GATM: variants seen among roughly 807,000 people sequenced by gnomAD.
GATM encodes the protein glycine amidinotransferase, mitochondrial.
In GATM, 23 loss-of-function variants were observed where a neutral mutation model predicts 54.2. The observed-to-expected ratio is 0.42, with a 90% confidence interval of 0.31 to 0.60. GATM has a LOEUF of 0.60. Among genes scored for constraint, GATM ranks in the 20% least tolerant of loss-of-function variants. GATM has a pLI of 0.14. For missense variants in GATM, 401 were observed against 544.9 expected (o/e 0.74, Z 2.63); for synonymous variants, 168 against 183.1 (o/e 0.92, Z 0.67).
At chr15:45,363,009 A>G (rs191572888) in intron 8 of GATM, among the ~76,000 whole-genome samples, 2 of 152,276 alleles carry the variant, frequency 1.3e-5, no homozygotes, top group Admixed American at 1.3e-4. Context: ...CTAGTCGCGC[A>G]TGGTAGCTCA....
chr15:45,398,824 C>G (rs1196087354), intron 2 of GATM, among the ~76,000 whole-genome samples: 1 of 152,102 alleles, frequency 6.6e-6, no homozygotes, highest in African/African-American at 2.4e-5. Flanking sequence ...CTACAGATGA[C>G]TCATGCTACT....
chr15:45,388,461 C>T (rs1889831826), intron 3 of GATM, among the ~76,000 whole-genome samples: 1 of 152,114 alleles, frequency 6.6e-6, no homozygotes, highest in South Asian at 2.1e-4. Context: ...CCAGTTTTTC[C>T]ACTAACATTC....
intron 4 of GATM, among the ~76,000 whole-genome samples, chr15:45,367,735 C>T (rs1889472388): frequency 6.6e-6 from 1 of 152,132 alleles, no homozygotes; most frequent in African/African-American, 2.4e-5. Context: ...AACAGTGGTA[C>T]ACCTGTAGGC....
intron 6 of GATM, among the ~76,000 whole-genome samples, chr15:45,365,285 C>T (rs531746799): frequency 6.6e-6 from 1 of 152,194 alleles, no homozygotes; most frequent in Non-Finnish European, 1.5e-5. Context: ...GGTATAAAGA[C>T]AGTTGTTAGC....
At chr15:45,365,973 C>T (rs984272928) in intron 6 of GATM, 73 bp downstream of exon 6, 25 of 1,414,076 alleles carry the variant, frequency 1.8e-5, no homozygotes, top group Non-Finnish European at 2.5e-5. Context: ...CATGGAAGTG[C>T]TTAAAATAAA....
chr15:45,379,914 G>C (rs1889712827), upstream of GATM: 1 of 151,978 alleles, frequency 6.6e-6, no homozygotes, highest in African/African-American at 2.4e-5. Flanking sequence ...GAGGTCAGGA[G>C]ATCAAGACCA....
intron 3 of GATM, among the ~76,000 whole-genome samples, chr15:45,388,907 C>G (rs1267602210): frequency 6.6e-6 from 1 of 152,164 alleles, no homozygotes; most frequent in Non-Finnish European, 1.5e-5. Flanking sequence ...GGTTTACATA[C>G]ATATATTGCT....
chr15:45,392,586 T>C (rs1304786659), intron 3 of GATM, among the ~76,000 whole-genome samples: 1 of 152,200 alleles, frequency 6.6e-6, no homozygotes, highest in Non-Finnish European at 1.5e-5. Flanking sequence ...CATTCCTAGA[T>C]AGATTCTGAG....
chr15:45,396,816 G>A (rs1348996062), intron 3 of GATM: 1 of 143,340 alleles, frequency 7.0e-6, no homozygotes, highest in Non-Finnish European at 1.5e-5. Context: ...GTTGTAGTGA[G>A]CTGAGATCAC....
At chr15:45,364,532 C>T in intron 7 of GATM, 1 of 404,808 alleles carries the variant, frequency 2.5e-6, no homozygotes, top group Non-Finnish European at 4.5e-6. Flanking sequence ...AAGACACTGT[C>T]TCAAAAAAAA....
At chr15:45,381,186 A>C (rs955463049), upstream of GATM, among the ~76,000 whole-genome samples, 1 of 152,046 alleles carries the variant, frequency 6.6e-6, no homozygotes, top group Non-Finnish European at 1.5e-5. Flanking sequence ...TTGGCAGTAG[A>C]TACCATTAAA....
At chr15:45,362,274 A>G in intron 8 of GATM, 53 bp from the exon 9 acceptor site, 1 of 1,121,222 alleles carries the variant, frequency 8.9e-7, no homozygotes, top group South Asian at 1.3e-5. Context: ...GACGATTCTC[A>G]TAGAGAAAGT....
chr15:45,380,883 T>C (rs1889732065), upstream of GATM, among the ~76,000 whole-genome samples: 1 of 152,178 alleles, frequency 6.6e-6, no homozygotes, highest in Non-Finnish European at 1.5e-5. Context: ...ATGCCTCTGA[T>C]TTACTTTCAT....
chr15:45,386,295 G>A (rs1889802983), intron 3 of GATM, among the ~76,000 whole-genome samples: 1 of 152,168 alleles, frequency 6.6e-6, no homozygotes, highest in Non-Finnish European at 1.5e-5. Context: ...GAGATGTAAT[G>A]GGTAACCTTT....
At chr15:45,375,131 C>T (rs1028548955) in intron 2 of GATM, among the ~76,000 whole-genome samples, 5 of 152,242 alleles carry the variant, frequency 3.3e-5, no homozygotes, top group Admixed American at 6.5e-5. Flanking sequence ...AGTGTAATGG[C>T]GCCATCTCAG....
At position 45,384,869 on chromosome 15, in the gene GATM, G is replaced by A. The variant is rs531597357; in HGVS notation, c.-318-8050C>T. On this transcript the variant is annotated intron_variant, in intron 3 of 4. Transcript: ENST00000561148. ...GACTACAGATATGCATCACTGCCTG[G>A]CTAATGTTTACATTTTTTTGTAGAG... Among the ~76,000 whole-genome samples, 3 of 152,202 alleles carry A rather than the reference G, an allele frequency of 2.0e-5. No individual in the cohort carries two copies. In the East Asian group the frequency reaches 5.8e-4, roughly 29 times the overall value.
chr15:45,369,302 GT>G, intron 3 of GATM, 23 bp downstream of exon 3: 2 of 1,600,204 alleles, frequency 1.2e-6, no homozygotes, highest in Middle Eastern at 3.3e-4. Context: ...GACACTGGCA[GT>G]TTAGTTATCT....
chr15:45,372,679 G>A (rs1889562279), intron 2 of GATM, among the ~76,000 whole-genome samples: 1 of 152,180 alleles, frequency 6.6e-6, no homozygotes, highest in South Asian at 2.1e-4. Flanking sequence ...TCATTCCAAA[G>A]TATCCTCCGT....
Position 45,395,836 on chromosome 15 carries a change from C to G in GATM, c.-319+1086G>C, listed in dbSNP as rs866205659. ...TTCCCTCCCATTTACCGCACATTTC[C>G]TGGTACAGAATGAATAAAAAAAAAA... On this transcript the variant is annotated intron_variant, in intron 3 of 4. Transcript: ENST00000561148. Among the ~76,000 whole-genome samples, 22 of 152,200 alleles carry G rather than the reference C, an allele frequency of 1.4e-4. No homozygotes were observed. In the South Asian group the frequency reaches 3.3e-3, roughly 23 times the overall value.
Sources: allele counts gnomAD v4.1 joint callset (sites outside exome capture counted in the v4.1 genomes callset), GRCh38; gene constraint gnomAD v4.1.1; transcripts MANE v1.5; gene names NCBI Gene and HGNC (gene_info 2026-07-23, HGNC 2026-07-21).